The following NALCN variants were observed in gnomAD, a reference collection of about 807,000 sequenced individuals.
NALCN encodes the protein sodium leak channel NALCN.
NALCN carries 111 observed loss-of-function variants against 225.3 expected under a neutral mutation model. The observed-to-expected ratio is 0.49, with a 90% confidence interval of 0.42 to 0.58. NALCN has a LOEUF of 0.58. NALCN is among the 20% of genes least tolerant of loss of function. NALCN has a pLI of 0.00. For missense variants in NALCN, 1,378 were observed against 2,202.4 expected (o/e 0.63, Z 7.49); for synonymous variants, 764 against 769.0 (o/e 0.99, Z 0.11).
chr13:101,301,814 A>T (rs1339090107), intron 7 of NALCN, among the ~76,000 whole-genome samples: 1 of 151,842 alleles, frequency 6.6e-6, no homozygotes, highest in African/African-American at 2.4e-5. Context: ...CCAGTCATCC[A>T]TTACTTCTTA....
At chr13:101,379,819 A>C (rs915553638) in intron 3 of NALCN, among the ~76,000 whole-genome samples, 2 of 152,154 alleles carry the variant, frequency 1.3e-5, no homozygotes, top group African/African-American at 4.8e-5. Context: ...CTGTGTAACA[A>C]AACTGCACAT....
At chr13:101,329,150 C>T (rs1334154456) in intron 7 of NALCN, among the ~76,000 whole-genome samples, 1 of 151,992 alleles carries the variant, frequency 6.6e-6, no homozygotes, top group African/African-American at 2.4e-5. Flanking sequence ...TTACAATCAC[C>T]GCTAGTTTTT....
At chr13:101,059,384 A>G (rs2031644438) in intron 42 of NALCN, 1 of 153,502 alleles carries the variant, frequency 6.5e-6, no homozygotes, top group African/African-American at 2.4e-5. Context: ...AAAGCTAATT[A>G]CAAACATTTT....
At chr13:101,113,950 C>T (rs2035572281) in intron 18 of NALCN, among the ~76,000 whole-genome samples, 1 of 152,070 alleles carries the variant, frequency 6.6e-6, no homozygotes, top group Non-Finnish European at 1.5e-5. Context: ...GCCTGATGAA[C>T]AGAATGAGTA....
At chr13:101,055,758 A>C (rs1365406145) in intron 43 of NALCN, among the ~76,000 whole-genome samples, 2 of 152,152 alleles carry the variant, frequency 1.3e-5, no homozygotes, top group Non-Finnish European at 2.9e-5. Context: ...AAACTAGAAA[A>C]TCACTAAAAA....
At chr13:101,185,563 A>G (rs1434724254) in intron 14 of NALCN, among the ~76,000 whole-genome samples, 2 of 152,230 alleles carry the variant, frequency 1.3e-5, no homozygotes, top group Non-Finnish European at 2.9e-5. Context: ...GCATTCAATA[A>G]ACTGCAATCA....
rs192142524 is a variant in NALCN at position 101,183,144 on chromosome 13, G to A, written c.1765-6770C>T. Among the ~76,000 whole-genome samples the A allele has an allele frequency of 3.5e-3, 527 of 152,286 alleles. 9 individuals are homozygous for A. The highest frequency in any genetic ancestry group is 7.2e-4 in the Non-Finnish European group (49 of 68,030). On this transcript the variant is annotated intron_variant, in intron 14 of 43. Coordinates refer to ENST00000251127, the MANE Select transcript of NALCN (RefSeq NM_052867.4). The stretch of plus-strand genomic sequence containing the variant: ...TATTCTGTTTTTACAGAAAGCTGAG[G>A]TAATGCTCATTAGTAATCAGAACCC...
intron 42 of NALCN, 106 bp downstream of exon 42, chr13:101,059,712 T>G: frequency 1.0e-6 from 1 of 961,410 alleles, no homozygotes; most frequent in East Asian, 2.6e-5. Flanking sequence ...ATTAGAAATA[T>G]TGTCACCTTG....
At chr13:101,409,252 C>T (rs923512464) in intron 1 of NALCN, among the ~76,000 whole-genome samples, 9 of 152,108 alleles carry the variant, frequency 5.9e-5, no homozygotes, top group African/African-American at 1.2e-4. Context: ...GGAACTGGGT[C>T]GTATTTTTGT....
At chr13:101,406,099 G>C (rs752893994) in intron 1 of NALCN, among the ~76,000 whole-genome samples, 40 of 150,012 alleles carry the variant, frequency 2.7e-4, no homozygotes, top group Admixed American at 5.4e-4. Flanking sequence ...TGGATCGCTT[G>C]AGTCCAGGAG....
intron 14 of NALCN, chr13:101,181,099 C>T (rs896560): frequency 0.27 from 139,892 of 518,662 alleles, 21,056 homozygotes; most frequent in Non-Finnish European, 0.32. Context: ...CACTACTTAT[C>T]GAAGATTGTG....
At chr13:101,253,946 G>A (rs989629592) in intron 11 of NALCN, among the ~76,000 whole-genome samples, 13 of 152,162 alleles carry the variant, frequency 8.5e-5, no homozygotes, top group African/African-American at 2.9e-4. Flanking sequence ...GAAAAAGTAA[G>A]TTTAATTAAA....
chr13:101,174,653 T>A (rs987182807), intron 15 of NALCN, among the ~76,000 whole-genome samples: 1 of 152,196 alleles, frequency 6.6e-6, no homozygotes, highest in Admixed American at 6.5e-5. Context: ...TAGGTTTGAA[T>A]TCACAATCCT....
chr13:101,395,661 A>G (rs1416687533), intron 2 of NALCN, among the ~76,000 whole-genome samples: 1 of 152,214 alleles, frequency 6.6e-6, no homozygotes, highest in Non-Finnish European at 1.5e-5. Context: ...GAACCTGATC[A>G]GGCTCTCCCA....
intron 7 of NALCN, among the ~76,000 whole-genome samples, chr13:101,332,031 C>G (rs1439518692): frequency 1.3e-5 from 2 of 152,252 alleles, no homozygotes; most frequent in Non-Finnish European, 2.9e-5. Context: ...TGCCAAGCAA[C>G]TGAACCCGCC....
Position 101,081,551 on chromosome 13 carries a change from C to A in NALCN, c.3861G>T (p.Trp1287Cys). The change falls in exon 34 of 44, where the codon TGG (tryptophan) becomes TGT (cysteine). Residue 1287 changes from tryptophan (W) to cysteine (C), a missense_variant. Physicochemically the swap from Trp to Cys is radical, Grantham distance 215. This residue lies in a region of NALCN where 98 missense variants were observed against 156.6 expected (regional missense o/e 0.63). Coordinates refer to ENST00000251127, the MANE Select transcript of NALCN (RefSeq NM_052867.4). ...CCAGGAGGGCAAAGTGAAGCACCAC[C>A]CATACAACGCCAAGCGACGTCACCA... ...DLLVTSLGVV[W>C]VVLHFALLNA... 1 of 1,614,122 alleles carries A rather than the reference C, an allele frequency of 6.2e-7. No homozygotes were observed. Among genetic ancestry groups the A allele is most frequent in the Non-Finnish European group, 8.5e-7 (1 of 1,180,004 alleles).
At chr13:101,211,098 C>T (rs968981483) in intron 13 of NALCN, among the ~76,000 whole-genome samples, 2 of 152,198 alleles carry the variant, frequency 1.3e-5, no homozygotes, top group South Asian at 2.1e-4. Flanking sequence ...TTTAATAACA[C>T]GGTCATGTTT....
chr13:101,064,642 G>A (rs1472639325), intron 40 of NALCN, among the ~76,000 whole-genome samples: 1 of 151,876 alleles, frequency 6.6e-6, no homozygotes, highest in African/African-American at 2.4e-5. Flanking sequence ...TACAAGCCAA[G>A]GAATGACCAA....
At chr13:101,319,898 T>C (rs1258545844) in intron 7 of NALCN, among the ~76,000 whole-genome samples, 1 of 152,248 alleles carries the variant, frequency 6.6e-6, no homozygotes, top group Admixed American at 6.5e-5. Context: ...ATAGCTATTC[T>C]ATTCCCTAAG....
Sources: gnomAD v4.1 joint callset for allele counts (sites outside exome capture counted in the v4.1 genomes callset) on GRCh38, gnomAD v4.1.1 for gene constraint, gnomAD v4.1.1 regional missense constraint, MANE v1.5 for transcripts, NCBI Gene and HGNC (gene_info 2026-07-23, HGNC 2026-07-21) for gene names.